PCDHGA5: variants seen among roughly 807,000 people sequenced by gnomAD.
PCDHGA5 encodes the protein protocadherin gamma-A5.
In PCDHGA5, 36 loss-of-function variants were observed where a neutral mutation model predicts 56.7. The ratio of observed to expected loss-of-function variants is 0.64; its 90% CI spans 0.49 to 0.84. The LOEUF (loss-of-function observed/expected upper bound fraction) is 0.84. Among genes scored for constraint, PCDHGA5 ranks in the 40% least tolerant of loss-of-function variants. The probability of loss-of-function intolerance (pLI) is 0.00; values close to 1 mark genes in which losing one functional copy is unlikely to be tolerated. For synonymous variants in PCDHGA5, 563 were observed against 520.2 expected, an observed-to-expected ratio of 1.08 and a Z score of -1.12; for missense variants, 1,305 against 1,201.5, an observed-to-expected ratio of 1.09 and a Z score of -1.27.
intron 1 of PCDHGA5, chr5:141,374,687 C>G (rs1443411888): frequency 6.2e-7 from 1 of 1,609,446 alleles, no homozygotes; most frequent in African/African-American, 1.3e-5. Context: ...CACACTGGAC[C>G]GGGAAGGAGA....
At chr5:141,398,621 ACT>A in intron 1 of PCDHGA5, 3 of 1,613,968 alleles carry the variant, frequency 1.9e-6, no homozygotes, top group Non-Finnish European at 2.5e-6. Flanking sequence ...ATTGGCTTAA[ACT>A]CTCTGCAGAA....
intron 1 of PCDHGA5, chr5:141,413,689 C>A: frequency 1.2e-6 from 2 of 1,613,800 alleles, no homozygotes; most frequent in Non-Finnish European, 1.7e-6. Flanking sequence ...GAACTCCCTG[C>A]AGAGCTATCA....
At chr5:141,371,815 T>A (rs966835739) in intron 1 of PCDHGA5, 1 of 1,613,856 alleles carries the variant, frequency 6.2e-7, no homozygotes, top group Non-Finnish European at 8.5e-7. Flanking sequence ...ATTGCGCATG[T>A]CAGAGCCTCG....
At chr5:141,380,669 G>C (rs1434222643) in intron 1 of PCDHGA5, among the ~76,000 whole-genome samples, 1 of 152,174 alleles carries the variant, frequency 6.6e-6, no homozygotes, top group Non-Finnish European at 1.5e-5. Flanking sequence ...TTACTCCATA[G>C]GGTATGTATG....
chr5:141,501,288 TATACACAC>T (rs1482707793), intron 2 of PCDHGA5, among the ~76,000 whole-genome samples: 1 of 81,228 alleles, frequency 1.2e-5, no homozygotes, highest in African/African-American at 4.9e-5. Flanking sequence ...GATATTCCCT[TATACACAC>T]ACACACACAC....
chr5:141,383,980 C>G lies in PCDHGA5; in HGVS notation c.2421+17229C>G, dbSNP rs145468093. The G allele has an allele frequency of 9.9e-5, 159 of 1,613,694 alleles. No homozygotes were observed. In the East Asian group the frequency reaches 3.5e-3, roughly 35 times the overall value. Reference sequence around the variant, plus strand: ...AAGTAGCTCAATCCCTGAAGACACACCTCTTGGGACAGTCATTGCTCTTTT... The same window carrying G: ...AAGTAGCTCAATCCCTGAAGACACAGCTCTTGGGACAGTCATTGCTCTTTT... On this transcript the variant is annotated intron_variant, in intron 1 of 3. Transcript: ENST00000518069.
In PCDHGA5 at chr5:141,431,553, A is replaced by G; in HGVS notation, c.2422-63254A>G. ...TTGGGCACGCAGCTGCTTGTAGTCA[A>G]CGCTACCGACCCTGACGAAGGAGTC... On this transcript the variant is annotated intron_variant, in intron 1 of 3. Transcript: ENST00000518069. The surrounding 1 kb of genome is among the most constrained non-coding windows in gnomAD (Gnocchi z 4.8). 1.2e-6 allele frequency: 2 copies of G among 1,614,112 alleles called. No individual in the cohort carries two copies. Among genetic ancestry groups the G allele is most frequent in the Non-Finnish European group, 1.7e-6 (2 of 1,180,020 alleles).
Position 141,485,138 on chromosome 5 carries a change from T to A in PCDHGA5, c.2422-9669T>A, listed in dbSNP as rs374309554. On this transcript the variant is annotated intron_variant, in intron 1 of 3. Coordinates refer to ENST00000518069, the MANE Select transcript of PCDHGA5 (RefSeq NM_018918.3). This position sits in a 1 kb window ranked among gnomAD's most constrained non-coding sequence, Gnocchi z 5.7. ...TTGGGGCGGGTCGGCTTCATCCGCG[T>A]CTCAGGAGCAAGTAGAGAATTAGCG... is the stretch of plus-strand genomic sequence containing the variant. 17 of 1,528,690 alleles carry A rather than the reference T, an allele frequency of 1.1e-5. No individual in the cohort carries two copies. The highest frequency in any genetic ancestry group is 1.3e-5 in the Non-Finnish European group (14 of 1,109,458). 94.7% of individuals were successfully genotyped at this position (1,528,690 alleles called of 1,614,324 possible).
At chr5:141,409,632 C>G (rs1279542488) in intron 1 of PCDHGA5, 1 of 1,613,848 alleles carries the variant, frequency 6.2e-7, no homozygotes, top group East Asian at 2.2e-5. Context: ...GTGAGCGCCT[C>G]TGACCCGGAT....
intron 1 of PCDHGA5, chr5:141,395,065 A>G: frequency 6.2e-7 from 1 of 1,614,132 alleles, no homozygotes; most frequent in South Asian, 1.1e-5. Context: ...GCTTTCCTGC[A>G]GACCTATTCC....
chr5:141,431,868 A>G lies in PCDHGA5; in HGVS notation c.2422-62939A>G, dbSNP rs755283039. On this transcript the variant is annotated intron_variant, in intron 1 of 3. Coordinates refer to ENST00000518069, the MANE Select transcript of PCDHGA5 (RefSeq NM_018918.3). This position sits in a 1 kb window ranked among gnomAD's most constrained non-coding sequence, Gnocchi z 4.8. ...AGAGGGACATTAATTGCCCTTTTAAATGTAAATGACCAAGATTCTGAGGAA... is the reference window on the plus strand; with the variant it reads ...AGAGGGACATTAATTGCCCTTTTAAGTGTAAATGACCAAGATTCTGAGGAA... 4.3e-6 allele frequency: 7 copies of G among 1,614,102 alleles called. No individual in the cohort carries two copies. In the South Asian group the frequency reaches 6.6e-5, roughly 15 times the overall value.
chr5:141,374,215 C>A (rs770866531), intron 1 of PCDHGA5: 22 of 1,613,838 alleles, frequency 1.4e-5, no homozygotes, highest in South Asian at 8.8e-5. Context: ...AAGGCTCCTT[C>A]GTAGGCAACA....
At chr5:141,433,060 C>T in intron 1 of PCDHGA5, 1 of 1,614,198 alleles carries the variant, frequency 6.2e-7, no homozygotes, top group Non-Finnish European at 8.5e-7. Flanking sequence ...GGAAGAGTCA[C>T]CTGATCTTCC....
At chr5:141,411,489 T>C (rs1229059443) in intron 1 of PCDHGA5, 1 of 152,090 alleles carries the variant, frequency 6.6e-6, no homozygotes, top group Non-Finnish European at 1.5e-5. Context: ...GAGGCTGAGC[T>C]GGGTGGATTG....
intron 1 of PCDHGA5, chr5:141,385,017 C>T: frequency 6.2e-7 from 1 of 1,614,188 alleles, no homozygotes; most frequent in Non-Finnish European, 8.5e-7. Context: ...TCTTCCTAGC[C>T]TTCGTCCTCG....
intron 1 of PCDHGA5, among the ~76,000 whole-genome samples, chr5:141,373,166 C>G (rs1478798062): frequency 6.6e-6 from 1 of 152,196 alleles, no homozygotes; most frequent in African/African-American, 2.4e-5. Context: ...TTAATGCAGT[C>G]AATCCTAAAA....
intron 1 of PCDHGA5, among the ~76,000 whole-genome samples, chr5:141,480,098 T>C (rs1415853757): frequency 6.6e-6 from 1 of 152,168 alleles, no homozygotes. Context: ...GTATGCAAAG[T>C]GTTTAGCATG....
At chr5:141,464,611 A>G (rs2099087451) in intron 1 of PCDHGA5, among the ~76,000 whole-genome samples, 3 of 152,194 alleles carry the variant, frequency 2.0e-5, no homozygotes, top group African/African-American at 7.2e-5. Context: ...TTTGCAGAGT[A>G]TATTGTCAAG....
At position 141,398,835 on chromosome 5, in the gene PCDHGA5, T is replaced by C. The variant is rs371527677; in HGVS notation, c.2421+32084T>C. The C allele has an allele frequency of 2.0e-5, 33 of 1,613,914 alleles. No homozygotes were observed. In the African/African-American group the frequency reaches 3.7e-4, roughly 18 times the overall value. ...TCCGGATCCAGGTAACCGACGCCAA[T>C]GATAATCCCCCGGTATTCAACCGAG... On this transcript the variant is annotated intron_variant, in intron 1 of 3. Transcript: ENST00000518069.
Sources: allele counts gnomAD v4.1 joint callset (sites outside exome capture counted in the v4.1 genomes callset), GRCh38; gene constraint gnomAD v4.1.1; non-coding constraint Gnocchi (gnomAD v3.1); transcripts MANE v1.5; gene names NCBI Gene and HGNC (gene_info 2026-07-23, HGNC 2026-07-21).